TENM2: variants seen among roughly 807,000 people sequenced by gnomAD.
TENM2 encodes the protein teneurin-2.
In TENM2, 52 loss-of-function variants were observed where a neutral mutation model predicts 245.2. The ratio of observed to expected loss-of-function variants is 0.21; its 90% confidence interval spans 0.17 to 0.27. The LOEUF is 0.27. Among genes scored for constraint, TENM2 ranks in the 10% least tolerant of loss-of-function variants. The pLI is 1.00. For missense variants in TENM2, 3,046 were observed against 3,666.8 expected (o/e 0.83, Z 4.37); for synonymous variants, 1,363 against 1,438.9 (o/e 0.95, Z 1.19).
At chr5:167,181,293 T>A in the TENM2 span, among the ~76,000 whole-genome samples, 1 of 152,282 alleles carries the variant, frequency 6.6e-6, no homozygotes, top group East Asian at 1.9e-4. Flanking sequence ...GGTAATCCTT[T>A]ATTCCTCTGT....
At chr5:167,680,259 T>C (rs1170607271) in intron 2 of TENM2, among the ~76,000 whole-genome samples, 5 of 150,002 alleles carry the variant, frequency 3.3e-5, no homozygotes, top group Non-Finnish European at 5.9e-5. Context: ...AGAAAAAAAA[T>C]AGCCACAAGT....
intron 3 of TENM2, among the ~76,000 whole-genome samples, chr5:167,913,403 A>G (rs774895802): frequency 2.7e-4 from 41 of 152,226 alleles, no homozygotes; most frequent in Admixed American, 1.0e-3. Context: ...GGTGTTACAA[A>G]GCATATTTAT....
At chr5:167,022,023 A>C in the TENM2 span, among the ~76,000 whole-genome samples, 1 of 152,220 alleles carries the variant, frequency 6.6e-6, no homozygotes, top group Non-Finnish European at 1.5e-5. Context: ...TCAATTGTCC[A>C]AATTATTTTA....
the TENM2 span, among the ~76,000 whole-genome samples, chr5:167,235,988 G>A: frequency 2.6e-5 from 4 of 152,148 alleles, no homozygotes; most frequent in Non-Finnish European, 2.9e-5. Flanking sequence ...GGCAATAATC[G>A]GTAGATATTC....
chr5:167,670,989 G>A (rs1046877431), intron 2 of TENM2, among the ~76,000 whole-genome samples: 15 of 152,108 alleles, frequency 9.9e-5, no homozygotes, highest in African/African-American at 3.6e-4. Flanking sequence ...ATTAATTAAA[G>A]GGACTCTTTC....
intron 12 of TENM2, among the ~76,000 whole-genome samples, chr5:168,147,235 T>C (rs567473956): frequency 6.6e-6 from 1 of 152,236 alleles, no homozygotes; most frequent in Non-Finnish European, 1.5e-5. Flanking sequence ...AGGCGTAAAT[T>C]GAACAGCATG....
chr5:167,113,180 G>A, the TENM2 span, among the ~76,000 whole-genome samples: 13 of 152,072 alleles, frequency 8.5e-5, no homozygotes, highest in African/African-American at 1.2e-4. Flanking sequence ...AACTGAGGAC[G>A]GATAATTACC....
At chr5:168,144,786 A>G (rs1755893491) in intron 12 of TENM2, among the ~76,000 whole-genome samples, 4 of 152,102 alleles carry the variant, frequency 2.6e-5, no homozygotes, top group African/African-American at 4.8e-5. Flanking sequence ...ACTAGTTTAC[A>G]CTCCCACCAA....
chr5:168,202,627 A>G (rs1448889062), intron 17 of TENM2, among the ~76,000 whole-genome samples: 2 of 151,742 alleles, frequency 1.3e-5, no homozygotes, highest in Admixed American at 6.6e-5. Flanking sequence ...CAAGCCAGGC[A>G]CTAGCAATTC....
the TENM2 span, among the ~76,000 whole-genome samples, chr5:167,057,107 C>T: frequency 6.6e-6 from 1 of 152,036 alleles, no homozygotes; most frequent in Non-Finnish European, 1.5e-5. Context: ...AAGCTGTGTC[C>T]AGTCTACTAA....
intron 2 of TENM2, among the ~76,000 whole-genome samples, chr5:167,864,770 G>GC (rs1478682158): frequency 8.8e-4 from 134 of 152,226 alleles, no homozygotes; most frequent in Non-Finnish European, 7.4e-5. Flanking sequence ...GAAAAAGATT[G>GC]TACAACCTAC....
the TENM2 span, among the ~76,000 whole-genome samples, chr5:167,181,504 ATGTG>A: frequency 3.8e-4 from 26 of 68,706 alleles, no homozygotes; most frequent in Non-Finnish European, 1.1e-4. Flanking sequence ...GTGTGTGTGT[ATGTG>A]TATTTTCTTG....
chr5:167,499,304 A>G (rs982423169), intron 2 of TENM2, among the ~76,000 whole-genome samples: 1 of 152,166 alleles, frequency 6.6e-6, no homozygotes, highest in Non-Finnish European at 1.5e-5. Context: ...AGTTGAGCAA[A>G]GGGGAACTTA....
At chr5:167,985,518 A>G (rs1373179278) in intron 4 of TENM2, among the ~76,000 whole-genome samples, 1 of 152,230 alleles carries the variant, frequency 6.6e-6, no homozygotes. Context: ...ACAACATGTC[A>G]GTCTGCTCTG....
intron 5 of TENM2, among the ~76,000 whole-genome samples, chr5:168,007,054 C>G (rs1202909712): frequency 6.6e-6 from 1 of 152,116 alleles, no homozygotes; most frequent in Non-Finnish European, 1.5e-5. Flanking sequence ...TAATTTCAAG[C>G]TCACTCAGCT....
chr5:167,811,527 G>C (rs1016339635), intron 2 of TENM2, among the ~76,000 whole-genome samples: 3 of 152,208 alleles, frequency 2.0e-5, no homozygotes, highest in Middle Eastern at 3.4e-3. Context: ...AGAACGATCT[G>C]CCACTTAAAC....
intron 5 of TENM2, among the ~76,000 whole-genome samples, chr5:168,042,568 T>C (rs1384752806): frequency 6.6e-6 from 1 of 151,830 alleles, no homozygotes; most frequent in Non-Finnish European, 1.5e-5. Context: ...GGCCCTATAA[T>C]CTCCCTGTCC....
intron 2 of TENM2, among the ~76,000 whole-genome samples, chr5:167,759,756 C>A (rs979939800): frequency 6.6e-6 from 1 of 152,036 alleles, no homozygotes; most frequent in African/African-American, 2.4e-5. Flanking sequence ...AAGCTGTTGC[C>A]CCATCAATCT....
chr5:167,793,425 ATAT>A (rs1765113133), intron 2 of TENM2, among the ~76,000 whole-genome samples: 2 of 152,224 alleles, frequency 1.3e-5, no homozygotes, highest in South Asian at 2.1e-4. Context: ...ATATATAGTA[ATAT>A]TATTATTTTT....
Sources: allele counts gnomAD v4.1 joint callset (sites outside exome capture counted in the v4.1 genomes callset), GRCh38; gene constraint gnomAD v4.1.1; transcripts MANE v1.5; gene names NCBI Gene and HGNC (gene_info 2026-07-23, HGNC 2026-07-21).